The following CDKL2 variants were observed in gnomAD, a reference collection of about 807,000 sequenced individuals.
CDKL2 encodes cyclin-dependent kinase-like 2.
A neutral mutation model predicts 63.9 loss-of-function variants in CDKL2; 64 were observed. The observed-to-expected ratio is 1.00, with a 90% CI of 0.82 to 1.23. The LOEUF (loss-of-function observed/expected upper bound fraction) is 1.23. Ranked by LOEUF, CDKL2 falls within the 50% of genes most tolerant of loss-of-function variation. The pLI is 0.00. For missense variants in CDKL2, 656 were observed against 668.0 expected (o/e 0.98, Z 0.20); for synonymous variants, 211 against 229.2 (o/e 0.92, Z 0.72).
At chr4:75,589,854 C>T (rs1022244826) in intron 12 of CDKL2, among the ~76,000 whole-genome samples, 1 of 152,050 alleles carries the variant, frequency 6.6e-6, no homozygotes, top group Non-Finnish European at 1.5e-5. Context: ...TGGTAGCCTG[C>T]ACCTGTAGTC....
intron 2 of CDKL2, among the ~76,000 whole-genome samples, chr4:75,618,239 CTTTTTTTTTTT>C (rs56002333): frequency 1.5e-4 from 8 of 52,944 alleles, no homozygotes; most frequent in Admixed American, 6.7e-4. Context: ...ATTGAAAATT[CTTTTTTTTTTT>C]TTTTTTTTTT....
At chr4:75,581,652 ACTT>A (rs1394514207) in intron 13 of CDKL2, among the ~76,000 whole-genome samples, 155 bp downstream of exon 13, 3 of 152,364 alleles carry the variant, frequency 2.0e-5, no homozygotes, top group African/African-American at 7.2e-5. Context: ...GATAAATACT[ACTT>A]CTGGTTTTCT....
At chr4:75,611,433 T>C (rs929603934) in intron 3 of CDKL2, among the ~76,000 whole-genome samples, 3 of 127,904 alleles carry the variant, frequency 2.3e-5, no homozygotes, top group African/African-American at 9.3e-5. Flanking sequence ...CACTCTAGCA[T>C]GGGTGACAGA....
chr4:75,600,310 A>G lies in CDKL2; in HGVS notation c.855T>C (p.Asp285=), dbSNP rs1435939107. ...RPFCAELLHH[D]FFQMDGFAER... ...CAGCAAATCCATCCATTTGAAAGAA[A>G]TCATGGTGTAGGAGCTCAGCACAGA... The change falls in exon 7 of 14, where the codon GAT becomes GAC. Residue 285 remains aspartate, a synonymous_variant. Transcript: ENST00000307465. 6.2e-7 allele frequency: 1 copy of G among 1,613,644 alleles called. No homozygotes were observed. The highest frequency in any genetic ancestry group is 8.5e-7 in the Non-Finnish European group (1 of 1,179,694).
At chr4:75,594,916 G>A (rs930241718) in intron 10 of CDKL2, among the ~76,000 whole-genome samples, 3 of 152,098 alleles carry the variant, frequency 2.0e-5, no homozygotes, top group Non-Finnish European at 2.9e-5. Flanking sequence ...ACCCTATAAG[G>A]ACTTTGGCCT....
intron 12 of CDKL2, among the ~76,000 whole-genome samples, chr4:75,590,940 C>T (rs1728689079): frequency 6.6e-6 from 1 of 151,978 alleles, no homozygotes; most frequent in South Asian, 2.1e-4. Context: ...TTATGGTTGG[C>T]TAAGGAGATT....
At chr4:75,615,622 TC>T (rs1366335394) in intron 2 of CDKL2, among the ~76,000 whole-genome samples, 1 of 152,238 alleles carries the variant, frequency 6.6e-6, no homozygotes, top group Non-Finnish European at 1.5e-5. Flanking sequence ...AATGTGGGCA[TC>T]ATGGTTATGA....
At chr4:75,589,878 A>T (rs1728635861) in intron 12 of CDKL2, among the ~76,000 whole-genome samples, 1 of 151,682 alleles carries the variant, frequency 6.6e-6, no homozygotes, top group South Asian at 2.1e-4. Context: ...GCTCCTTGGG[A>T]GACTGAGGTA....
At position 75,596,356 on chromosome 4, in the gene CDKL2, A is replaced by G. The variant is rs781419932; in HGVS notation, c.1323-16T>C. The G allele has an allele frequency of 3.8e-5, 58 of 1,544,720 alleles. No homozygotes were observed. Among genetic ancestry groups the G allele is most frequent in the African/African-American group, 3.0e-4 (22 of 73,602 alleles). On this transcript the variant is annotated splice_polypyrimidine_tract_variant and intron_variant, in intron 9 of 13. Coordinates refer to ENST00000307465, the MANE Select transcript of CDKL2 (RefSeq NM_001330724.2). Reference sequence around the variant, plus strand: ...CTCATCCACTCTGTAACGACAAAAAAAAATGTTTTTAAGTTAGAACCAGCA... The same window carrying G: ...CTCATCCACTCTGTAACGACAAAAAGAAATGTTTTTAAGTTAGAACCAGCA...
At chr4:75,609,932 G>A (rs13102967) in intron 3 of CDKL2, among the ~76,000 whole-genome samples, 60,541 of 151,284 alleles carry the variant, frequency 0.4, 12,843 homozygotes, top group African/African-American at 0.5. Flanking sequence ...GGCCGGGTGC[G>A]GTGGCTCACA....
intron 1 of CDKL2, among the ~76,000 whole-genome samples, chr4:75,628,009 T>C (rs144280084): frequency 6.6e-6 from 1 of 151,644 alleles, no homozygotes; most frequent in African/African-American, 2.4e-5. Flanking sequence ...AAATTTAATG[T>C]AATTATTAAA....
intron 3 of CDKL2, among the ~76,000 whole-genome samples, chr4:75,613,793 T>C (rs1012673791): frequency 1.3e-5 from 2 of 152,190 alleles, no homozygotes; most frequent in Admixed American, 6.5e-5. Context: ...CGGTGGCTCA[T>C]GGCTGTAATC....
chr4:75,596,049 T>A, intron 10 of CDKL2, 198 bp downstream of exon 10: 1 of 382,794 alleles, frequency 2.6e-6, no homozygotes, highest in South Asian at 8.4e-5. Context: ...AGGAAGGAGT[T>A]TTTAGACTCA....
At chr4:75,613,995 T>G (rs1196034662) in intron 3 of CDKL2, among the ~76,000 whole-genome samples, 3 of 152,150 alleles carry the variant, frequency 2.0e-5, no homozygotes, top group African/African-American at 7.2e-5. Flanking sequence ...GGGCAGAGGT[T>G]GCAGTGAGCT....
intron 6 of CDKL2, among the ~76,000 whole-genome samples, chr4:75,603,531 C>T (rs946620214): frequency 6.7e-6 from 1 of 150,162 alleles, no homozygotes; most frequent in Admixed American, 6.6e-5. Flanking sequence ...GAGATTGAGA[C>T]CATCCTGGCT....
At chr4:75,623,143 G>C (rs908061825) in intron 2 of CDKL2, among the ~76,000 whole-genome samples, 1 of 152,114 alleles carries the variant, frequency 6.6e-6, no homozygotes, top group Non-Finnish European at 1.5e-5. Context: ...GCTAAGCATG[G>C]TGGCACACGC....
At chr4:75,581,773 AG>A in intron 13 of CDKL2, 36 bp downstream of exon 13, 1 of 1,197,200 alleles carries the variant, frequency 8.4e-7, no homozygotes, top group Non-Finnish European at 1.2e-6. Context: ...TACCTGTGAA[AG>A]GCTGCACAGC....
intron 12 of CDKL2, among the ~76,000 whole-genome samples, chr4:75,586,163 T>C (rs373126688): frequency 2.8e-4 from 43 of 151,724 alleles, no homozygotes; most frequent in African/African-American, 1.0e-3. Flanking sequence ...ACAACATTTC[T>C]AAATAATTCA....
At chr4:75,596,875 C>G in intron 9 of CDKL2, 60 bp downstream of exon 9, 1 of 1,371,514 alleles carries the variant, frequency 7.3e-7, no homozygotes, top group Admixed American at 2.0e-5. Context: ...ATTGACAAAC[C>G]CTTGCAATTT....
Sources: gnomAD v4.1 joint callset for allele counts (sites outside exome capture counted in the v4.1 genomes callset) on GRCh38, gnomAD v4.1.1 for gene constraint, MANE v1.5 for transcripts, NCBI Gene and HGNC (gene_info 2026-07-23, HGNC 2026-07-21) for gene names.